Variants in ATF7IP2 observed in about 807,000 individuals in gnomAD.
The protein encoded by ATF7IP2 is activating transcription factor 7 interacting protein 2.
A neutral mutation model predicts 64.2 loss-of-function variants in ATF7IP2; 42 were observed. The observed-to-expected ratio is 0.65, with a 90% confidence interval of 0.51 to 0.85. The LOEUF is 0.85. Ranked by LOEUF, ATF7IP2 falls within the 40% of genes least tolerant of loss-of-function variation. The pLI, the probability that ATF7IP2 is intolerant of heterozygous loss-of-function variation, is 0.00. For missense variants in ATF7IP2, 933 were observed against 784.2 expected, an observed-to-expected ratio of 1.19 and a Z score of -2.27; for synonymous variants, 308 against 272.8, an observed-to-expected ratio of 1.13 and a Z score of -1.27.
At chr16:10,439,635 C>T (rs1286651094) in intron 7 of ATF7IP2, among the ~76,000 whole-genome samples, 26 of 149,258 alleles carry the variant, frequency 1.7e-4, no homozygotes, top group Non-Finnish European at 2.8e-4. Flanking sequence ...CAGGTTCAAG[C>T]GAGTCTCCTG....
At chr16:10,436,465 C>T (rs2048423000) in intron 6 of ATF7IP2, among the ~76,000 whole-genome samples, 1 of 151,638 alleles carries the variant, frequency 6.6e-6, no homozygotes, top group South Asian at 2.1e-4. Flanking sequence ...GTAAAAATGA[C>T]AATCATGTCT....
intron 3 of ATF7IP2, among the ~76,000 whole-genome samples, chr16:10,426,264 G>T (rs763455962): frequency 3.9e-5 from 6 of 152,212 alleles, no homozygotes; most frequent in Non-Finnish European, 8.8e-5. Context: ...GCTAAAGAGA[G>T]GAGTTCTGGT....
chr16:10,479,123 C>A (rs553856039), intron 12 of ATF7IP2, among the ~76,000 whole-genome samples: 22 of 150,442 alleles, frequency 1.5e-4, no homozygotes, highest in Non-Finnish European at 3.2e-4. Flanking sequence ...ACTAGAAATA[C>A]CATTTGACCC....
chr16:10,464,532 A>G lies in ATF7IP2; in HGVS notation c.1352+7003A>G, dbSNP rs1307118604. On this transcript the variant is annotated intron_variant, in intron 9 of 13. Transcript: ENST00000562102. Reference sequence around the variant, plus strand: ...TCATAGAAGAGAAAGTTTATGGCCCAAAACACATGACAAAAATTAAACTTG... The same window carrying G: ...TCATAGAAGAGAAAGTTTATGGCCCGAAACACATGACAAAAATTAAACTTG... 2.0e-5 allele frequency among the ~76,000 whole-genome samples: 3 copies of G among 152,242 alleles called. No individual in the cohort carries two copies. The East Asian group carries it at 5.8e-4, about 29-fold the overall frequency.
intron 1 of ATF7IP2, among the ~76,000 whole-genome samples, chr16:10,405,931 A>G (rs1441074868): frequency 6.6e-6 from 1 of 152,106 alleles, no homozygotes; most frequent in African/African-American, 2.4e-5. Flanking sequence ...CATCTCTACT[A>G]AAAACAAACT....
At chr16:10,454,573 TA>T (rs1378905410) in intron 8 of ATF7IP2, among the ~76,000 whole-genome samples, 1 of 152,106 alleles carries the variant, frequency 6.6e-6, no homozygotes, top group African/African-American at 2.4e-5. Flanking sequence ...TTGTTTTCTT[TA>T]TTTTGATTCC....
chr16:10,391,887 TTC>T (rs2047332926), intron 1 of ATF7IP2, among the ~76,000 whole-genome samples: 1 of 150,230 alleles, frequency 6.7e-6, no homozygotes, highest in African/African-American at 2.5e-5. Flanking sequence ...CAGAGTGAGA[TTC>T]TGTTTAAAAA....
At chr16:10,456,756 C>G (rs1443026958) in intron 8 of ATF7IP2, among the ~76,000 whole-genome samples, 1 of 152,162 alleles carries the variant, frequency 6.6e-6, no homozygotes, top group African/African-American at 2.4e-5. Context: ...ATTGGGCCCC[C>G]TAATCCTACC....
At chr16:10,404,289 G>A (rs1356109614) in intron 1 of ATF7IP2, among the ~76,000 whole-genome samples, 114 of 152,144 alleles carry the variant, frequency 7.5e-4, no homozygotes, top group Non-Finnish European at 2.1e-4. Context: ...GTCTCACTCT[G>A]TCACCCAGGC....
chr16:10,439,657 C>G (rs571054096), intron 7 of ATF7IP2, among the ~76,000 whole-genome samples: 1 of 150,708 alleles, frequency 6.6e-6, no homozygotes, highest in Non-Finnish European at 1.5e-5. Context: ...CTCAGCCTCC[C>G]GAGTAGCTGG....
chr16:10,418,283 C>T (rs1295531868), intron 2 of ATF7IP2, among the ~76,000 whole-genome samples: 1 of 152,168 alleles, frequency 6.6e-6, no homozygotes, highest in African/African-American at 2.4e-5. Context: ...TGTTCCTTGC[C>T]CTCATTCTGG....
At chr16:10,407,154 T>C (rs1261548891) in intron 1 of ATF7IP2, among the ~76,000 whole-genome samples, 1 of 152,148 alleles carries the variant, frequency 6.6e-6, no homozygotes, top group Non-Finnish European at 1.5e-5. Flanking sequence ...ATGCTGAAAA[T>C]GCATTTGATA....
intron 9 of ATF7IP2, among the ~76,000 whole-genome samples, chr16:10,465,606 G>A (rs916296758): frequency 4.6e-5 from 7 of 150,874 alleles, no homozygotes; most frequent in African/African-American, 1.7e-4. Flanking sequence ...GGGCGTAGTG[G>A]TGTGCACCTG....
At position 10,433,595 on chromosome 16, in the gene ATF7IP2, A is replaced by T. The variant is rs764674729; in HGVS notation, c.906A>T (p.Gln302His). ...ENVKRMKTSEQINENICVSLE... is the reference protein window; with the variant it reads ...ENVKRMKTSEHINENICVSLE... ...TTAAACGCATGAAAACTTCAGAGCA[A>T]ATTAATGAAAATATTTGTGTAAGTT... Residue 302 changes from glutamine to histidine, a missense_variant, in exon 6 of 14, where the codon CAA becomes CAT. Physicochemically the swap from Gln to His is conservative, Grantham distance 24 (BLOSUM62 0). Transcript: ENST00000562102. 1.2e-6 allele frequency: 2 copies of T among 1,613,688 alleles called. No homozygotes were observed. The highest frequency in any genetic ancestry group is 3.3e-5 in the Admixed American group (2 of 60,010).
At chr16:10,387,134 T>G (rs965249245) in intron 1 of ATF7IP2, 27 of 152,234 alleles carry the variant, frequency 1.8e-4, no homozygotes, top group African/African-American at 6.5e-4. Flanking sequence ...TTTTGTCATA[T>G]TTATTGTAGC....
At chr16:10,464,324 T>G (rs2049480538) in intron 9 of ATF7IP2, among the ~76,000 whole-genome samples, 1 of 152,224 alleles carries the variant, frequency 6.6e-6, no homozygotes, top group South Asian at 2.1e-4. Context: ...TTCCCTGTTG[T>G]TATCCTGGCT....
At chr16:10,424,768 C>G (rs1205493254) in intron 3 of ATF7IP2, among the ~76,000 whole-genome samples, 1 of 152,104 alleles carries the variant, frequency 6.6e-6, no homozygotes, top group Non-Finnish European at 1.5e-5. Context: ...CAGGTAAATA[C>G]AAATCAAAAT....
chr16:10,482,035 A>T lies in ATF7IP2; in HGVS notation c.1835A>T (p.His612Leu). ...AAGTGTGCTCCTGTAGAAAGCTACC[A>T]CCTCTTCCTGTGTCATGAGAACTCT... ...NPKCAPVESYHLFLCHENSNN... is the reference protein window; with the variant it reads ...NPKCAPVESYLLFLCHENSNN... The change falls in exon 14 of 14, where the codon CAC becomes CTC. Residue 612 changes from histidine to leucine, a missense_variant. Transcript: ENST00000562102. 1.2e-6 allele frequency: 2 copies of T among 1,613,802 alleles called. No homozygotes were observed. Among genetic ancestry groups the T allele is most frequent in the Non-Finnish European group, 1.7e-6 (2 of 1,179,818 alleles).
intron 3 of ATF7IP2, 43 bp downstream of exon 3, chr16:10,419,666 G>GTCC (rs1057421235): frequency 8.5e-5 from 13 of 153,124 alleles, no homozygotes; most frequent in African/African-American, 3.1e-4. Context: ...GACAGTTGGG[G>GTCC]TCCTCCTCAG....
Sources: gnomAD v4.1 joint callset for allele counts (sites outside exome capture counted in the v4.1 genomes callset) on GRCh38, gnomAD v4.1.1 for gene constraint, MANE v1.5 for transcripts, NCBI Gene and HGNC (gene_info 2026-07-23, HGNC 2026-07-21) for gene names.